VWA8: variants seen among roughly 807,000 people sequenced by gnomAD.
VWA8 encodes von Willebrand factor A domain containing 8, also known as von Willebrand factor A domain-containing protein 8.
A neutral mutation model predicts 241.5 loss-of-function variants in VWA8; 221 were observed. The ratio of observed to expected loss-of-function variants is 0.91; its 90% confidence interval spans 0.82 to 1.02. VWA8 has a LOEUF of 1.02. Ranked by LOEUF, VWA8 falls within the 50% of genes least tolerant of loss-of-function variation. The pLI, the probability that VWA8 is intolerant of heterozygous loss-of-function variation, is 0.00. For synonymous variants in VWA8, 852 were observed against 827.1 expected, an observed-to-expected ratio of 1.03 and a Z score of -0.52; for missense variants, 2,322 against 2,328.7, an observed-to-expected ratio of 1.00 and a Z score of 0.06.
intron 14 of VWA8, among the ~76,000 whole-genome samples, chr13:41,830,168 G>A (rs1239152031): frequency 6.6e-6 from 1 of 151,528 alleles, no homozygotes; most frequent in African/African-American, 2.4e-5. Flanking sequence ...GCATGGACCT[G>A]GGAGGCGGAG....
chr13:41,770,082 G>A (rs559165915), intron 20 of VWA8, among the ~76,000 whole-genome samples: 2 of 152,308 alleles, frequency 1.3e-5, no homozygotes, highest in South Asian at 4.1e-4. Flanking sequence ...GAAGATGAGA[G>A]TAAGAGGCAC....
chr13:41,912,011 A>G, intron 3 of VWA8, 27 bp downstream of exon 3: 1 of 1,532,804 alleles, frequency 6.5e-7, no homozygotes. Context: ...TAAGACCCTT[A>G]GAAATTGACA....
chr13:41,771,095 AAAAAC>A (rs2045819728), intron 20 of VWA8, among the ~76,000 whole-genome samples: 1 of 152,176 alleles, frequency 6.6e-6, no homozygotes, highest in African/African-American at 2.4e-5. Flanking sequence ...TTTTATTTCT[AAAAAC>A]AAAACACTGA....
At chr13:41,569,659 T>C (rs1462479070) in intron 44 of VWA8, among the ~76,000 whole-genome samples, 1 of 152,054 alleles carries the variant, frequency 6.6e-6, no homozygotes, top group Non-Finnish European at 1.5e-5. Flanking sequence ...TTTTTTTTTT[T>C]TTTAAGATTA....
chr13:41,662,411 T>C (rs1028406966), intron 37 of VWA8, among the ~76,000 whole-genome samples: 1 of 152,090 alleles, frequency 6.6e-6, no homozygotes, highest in Non-Finnish European at 1.5e-5. Flanking sequence ...TGTTTGTAAA[T>C]GGTAGATGTA....
intron 40 of VWA8, among the ~76,000 whole-genome samples, chr13:41,596,809 ACAC>A: frequency 6.6e-6 from 1 of 151,500 alleles, no homozygotes. Flanking sequence ...ACACACACAC[ACAC>A]ACACACACAC....
chr13:41,863,780 A>G (rs969784311), intron 12 of VWA8, among the ~76,000 whole-genome samples: 2 of 152,116 alleles, frequency 1.3e-5, no homozygotes, highest in African/African-American at 4.8e-5. Context: ...ACACATGGAC[A>G]TAAAGATGGG....
intron 8 of VWA8, among the ~76,000 whole-genome samples, chr13:41,884,890 T>TAC (rs1874442741): frequency 6.7e-6 from 1 of 149,936 alleles, no homozygotes; most frequent in African/African-American, 2.5e-5. Context: ...AACATACATA[T>TAC]ATACATACAT....
chr13:41,856,913 T>A (rs139074616), intron 12 of VWA8, among the ~76,000 whole-genome samples: 1 of 152,076 alleles, frequency 6.6e-6, no homozygotes, highest in Non-Finnish European at 1.5e-5. Flanking sequence ...CAATCTATTG[T>A]CTAAATCATA....
At position 41,833,596 on chromosome 13, in the gene VWA8, G is replaced by C. The variant is rs766726954; in HGVS notation, c.1426-65C>G. 544 of 1,467,020 alleles carry C rather than the reference G, an allele frequency of 3.7e-4. 1 individual carries two copies. Among genetic ancestry groups the C allele is most frequent in the Non-Finnish European group, 4.8e-4 (532 of 1,100,644 alleles). 90.9% of individuals were successfully genotyped at this position (1,467,020 alleles called of 1,614,324 possible). A position where few individuals can be genotyped will look rare whatever the true frequency, so the allele number is the denominator to read the frequency against. ...ATTAATTTTTAAGACATGCAAGGTAGCTTACATGGCTTTATAGAGTCACCT... is the reference window on the plus strand; with the variant it reads ...ATTAATTTTTAAGACATGCAAGGTACCTTACATGGCTTTATAGAGTCACCT... On this transcript the variant is annotated intron_variant, in intron 12 of 44. Transcript: ENST00000379310.
At position 41,671,067 on chromosome 13, in the gene VWA8, C is replaced by CT; in HGVS notation, c.4489dup (p.Ser1497LysfsTer7). The CT allele has an allele frequency of 6.2e-7, 1 of 1,613,976 alleles. No individual in the cohort carries two copies. Among genetic ancestry groups the CT allele is most frequent in the Non-Finnish European group, 8.5e-7 (1 of 1,179,914 alleles). ...TCCCATATCAACAGTAACAACACCG[C>CT]TTTTGTCCCACTCAGCCAGCAGTGC... On this transcript the variant is annotated frameshift_variant, in exon 37 of 45. Coordinates refer to ENST00000379310, the MANE Select transcript of VWA8 (RefSeq NM_015058.2). LOFTEE classifies it high-confidence loss of function.
intron 37 of VWA8, among the ~76,000 whole-genome samples, chr13:41,650,449 C>G (rs532541637): frequency 6.6e-6 from 1 of 152,170 alleles, no homozygotes; most frequent in Non-Finnish European, 1.5e-5. Context: ...GGATTGATCC[C>G]TATTTGATTC....
chr13:41,860,082 A>C (rs1566484310), intron 12 of VWA8, among the ~76,000 whole-genome samples: 2 of 152,216 alleles, frequency 1.3e-5, no homozygotes, highest in Non-Finnish European at 2.9e-5. Context: ...GGTTTCTATA[A>C]TAAAAAGCAA....
At chr13:41,591,251 T>C (rs2044452935) in intron 40 of VWA8, among the ~76,000 whole-genome samples, 1 of 152,228 alleles carries the variant, frequency 6.6e-6, no homozygotes, top group African/African-American at 2.4e-5. Flanking sequence ...TATGTGAACA[T>C]TTTGTACCCC....
At chr13:41,679,152 T>C (rs2045080543) in intron 35 of VWA8, among the ~76,000 whole-genome samples, 1 of 152,120 alleles carries the variant, frequency 6.6e-6, no homozygotes. Context: ...ATTTCAAAGA[T>C]AGGTATAAGT....
intron 40 of VWA8, among the ~76,000 whole-genome samples, chr13:41,596,788 T>TAC (rs142774673): frequency 0.16 from 21,747 of 136,774 alleles, 1,638 homozygotes; most frequent in East Asian, 0.22. Context: ...AACCAGAAAG[T>TAC]ACACACACAC....
chr13:41,668,435 C>A (rs574265832), intron 37 of VWA8, among the ~76,000 whole-genome samples: 1 of 152,192 alleles, frequency 6.6e-6, no homozygotes, highest in African/African-American at 2.4e-5. Flanking sequence ...AACCTATTCT[C>A]TTTTTTCAAT....
chr13:41,575,891 C>A, intron 42 of VWA8, 53 bp from the exon 43 acceptor site: 1 of 1,334,286 alleles, frequency 7.5e-7, no homozygotes, highest in South Asian at 1.2e-5. Context: ...AAAGAACAGT[C>A]ATTAGATCTT....
intron 17 of VWA8, among the ~76,000 whole-genome samples, chr13:41,795,453 C>A (rs749559362): frequency 6.6e-6 from 1 of 152,062 alleles, no homozygotes; most frequent in Non-Finnish European, 1.5e-5. Context: ...TGGGTACATG[C>A]CCAAAGGAAT....
Sources: gnomAD v4.1 joint callset for allele counts (sites outside exome capture counted in the v4.1 genomes callset) on GRCh38, gnomAD v4.1.1 for gene constraint, MANE v1.5 for transcripts, NCBI Gene and HGNC (gene_info 2026-07-23, HGNC 2026-07-21) for gene names.